Variants in POLR1G observed in about 807,000 individuals in gnomAD.
POLR1G encodes the protein RNA polymerase I subunit G, also known as DNA-directed RNA polymerase I subunit RPA34.
Under a neutral mutation model 6.3 loss-of-function variants are expected in POLR1G, and 9 were observed. The observed-to-expected ratio is 1.44, with a 90% CI of 0.87 to 2.51. The LOEUF is 2.51. Ranked by LOEUF, POLR1G falls within the 30% of genes most tolerant of loss-of-function variation. POLR1G has a pLI of 0.00. For synonymous variants in POLR1G, 248 were observed against 256.5 expected, an observed-to-expected ratio of 0.97 and a Z score of 0.32; for missense variants, 617 against 632.5, an observed-to-expected ratio of 0.98 and a Z score of 0.26.
In POLR1G at chr19:45,406,783, G is replaced by C; in HGVS notation, c.22+65G>C. ...TGGAAGGAGAAAGGGGCGTCCGAGAGGGTTCGGGCGGAAAAGGAGGCGTAC... is the reference window on the plus strand; with the variant it reads ...TGGAAGGAGAAAGGGGCGTCCGAGACGGTTCGGGCGGAAAAGGAGGCGTAC... On this transcript the variant is annotated intron_variant, in intron 1 of 2. Coordinates refer to ENST00000309424, the MANE Select transcript of POLR1G (RefSeq NM_012099.3). This position sits in a 1 kb window ranked among gnomAD's most constrained non-coding sequence, Gnocchi z 4.2. 2.1e-6 allele frequency: 3 copies of C among 1,433,124 alleles called. No homozygotes were observed. The highest frequency in any genetic ancestry group is 2.8e-6 in the Non-Finnish European group (3 of 1,077,496). 88.8% of individuals were successfully genotyped at this position (1,433,124 alleles called of 1,614,324 possible). A position where few individuals can be genotyped will look rare whatever the true frequency, so the allele number is the denominator to read the frequency against.
At position 45,408,656 on chromosome 19, in the gene POLR1G, G is replaced by C. The variant is rs1476002109; in HGVS notation, c.688G>C (p.Val230Leu). The C allele has an allele frequency of 1.2e-6, 2 of 1,613,936 alleles. No individual in the cohort carries two copies. Among genetic ancestry groups the C allele is most frequent in the Admixed American group, 1.7e-5 (1 of 60,016 alleles). The change falls in exon 3 of 3, where the codon GTG becomes CTG. Residue 230 changes from valine (V) to leucine (L), a missense_variant. Physicochemically the swap from Val to Leu is conservative, Grantham distance 32. Coordinates refer to ENST00000309424, the MANE Select transcript of POLR1G (RefSeq NM_012099.3). Reference sequence around the variant, plus strand: ...GAAAGAACCAGAGGCAGCAGGGCCTGTGGGGACAGAGCCCACAGTGGAGAC... The same window carrying C: ...GAAAGAACCAGAGGCAGCAGGGCCTCTGGGGACAGAGCCCACAGTGGAGAC... ...QLKEPEAAGP[V>L]GTEPTVETLE...
In POLR1G at chr19:45,406,793, G is replaced by T; in HGVS notation, c.22+75G>T. On this transcript the variant is annotated intron_variant, in intron 1 of 2. Coordinates refer to ENST00000309424, the MANE Select transcript of POLR1G (RefSeq NM_012099.3). This position sits in a 1 kb window ranked among gnomAD's most constrained non-coding sequence, Gnocchi z 4.2. ...AAGGGGCGTCCGAGAGGGTTCGGGC[G>T]GAAAAGGAGGCGTACCTGCAAGCAG... 7.3e-7 allele frequency: 1 copy of T among 1,361,350 alleles called. No homozygotes were observed. The highest frequency in any genetic ancestry group is 9.8e-7 in the Non-Finnish European group (1 of 1,016,916). 84.3% of individuals were successfully genotyped at this position (1,361,350 alleles called of 1,614,324 possible). A position where few individuals can be genotyped will look rare whatever the true frequency, so the allele number is the denominator to read the frequency against.
In POLR1G at chr19:45,408,220, C is replaced by T. The variant is rs889796834; in HGVS notation, c.252C>T (p.Ser84=). 3.1e-6 allele frequency: 5 copies of T among 1,614,026 alleles called. No homozygotes were observed. In the East Asian group the frequency reaches 6.7e-5, roughly 22 times the overall value. ...AGKRHRYRVL[S]SCPQAGEATL... ...AGCGGCACCGCTATCGAGTCCTCAG[C>T]AGCTGTCCCCAAGCTGGAGAAGCGA... is the stretch of plus-strand genomic sequence containing the variant. Residue 84 remains serine (S), a synonymous_variant, in exon 3 of 3, where the codon AGC becomes AGT. Coordinates refer to ENST00000309424, the MANE Select transcript of POLR1G (RefSeq NM_012099.3).
Position 45,409,387 on chromosome 19 carries a change from A to C in POLR1G, c.1419A>C (p.Pro473=). The change falls in exon 3 of 3, where the codon CCA becomes CCC. Residue 473 remains proline (P), a synonymous_variant. Transcript: ENST00000309424. ...RKKQSQESRM[P]ETVPQEEMPG... is the part of the protein sequence containing the mutation. ...AGCAGAGTCAGGAAAGCCGGATGCC[A>C]GAGACAGTGCCCCAAGAGGAGATGC... is the stretch of plus-strand genomic sequence containing the variant. 1 of 1,614,078 alleles carries C rather than the reference A, an allele frequency of 6.2e-7. No homozygotes were observed. Among genetic ancestry groups the C allele is most frequent in the East Asian group, 2.2e-5 (1 of 44,876 alleles).
rs57573120 is a variant in POLR1G at position 45,409,895 on chromosome 19, A to ATTTT, written c.*405_*408dup. The stretch of plus-strand genomic sequence containing the variant: ...TTTTTAAGTTATTATTATTATTATT[A>ATTTT]TTTTTTTTTTTTTTGAGATGGAGTC... On this transcript the variant is annotated 3_prime_UTR_variant, in exon 3 of 3. Coordinates refer to ENST00000309424, the MANE Select transcript of POLR1G (RefSeq NM_012099.3). 2,715 of 171,510 alleles carry ATTTT rather than the reference A, an allele frequency of 0.016. 58 individuals carry two copies. The highest frequency in any genetic ancestry group is 0.077 in the South Asian group (351 of 4,558). 10.6% of individuals were successfully genotyped at this position (171,510 alleles called of 1,614,324 possible). A position where few individuals can be genotyped will look rare whatever the true frequency, so the allele number is the denominator to read the frequency against.
In POLR1G at chr19:45,409,013, C is replaced by A; in HGVS notation, c.1045C>A (p.Pro349Thr). 6.2e-7 allele frequency: 1 copy of A among 1,614,056 alleles called. No individual in the cohort carries two copies. The highest frequency in any genetic ancestry group is 8.5e-7 in the Non-Finnish European group (1 of 1,180,014). ...MMEPGTEAME[P>T]VEPEMKPLES... ...GGAGCCAGGGACGGAGGCGATGGAG[C>A]CAGTGGAGCCGGAGATGAAGCCTCT... The change falls in exon 3 of 3, where the codon CCA becomes ACA. Residue 349 changes from proline to threonine, a missense_variant. By Grantham distance (38) the Pro-to-Thr change is conservative (BLOSUM62 -1). Transcript: ENST00000309424.
rs1029847463 is a variant in POLR1G, at chr19:45,409,431, C to A, written c.1463C>A (p.Ser488Ter). 25 of 1,613,558 alleles carry A rather than the reference C, an allele frequency of 1.5e-5. No individual in the cohort carries two copies. The highest frequency in any genetic ancestry group is 2.0e-5 in the Non-Finnish European group (24 of 1,180,014). The change falls in exon 3 of 3, where the codon TCA (serine) becomes TAA (stop). Residue 488 changes from serine (S) to a stop codon, truncating the protein, a stop_gained. Coordinates refer to ENST00000309424, the MANE Select transcript of POLR1G (RefSeq NM_012099.3). LOFTEE classifies it low-confidence loss of function (END_TRUNC). ...QEEMPGPPLNSESGEEAPTGR... is the reference protein window; with the variant it reads ...QEEMPGPPLN ...GAGATGCCAGGGCCGCCACTGAATT[C>A]AGAGTCTGGGGAGGAGGCTCCCACA...
At position 45,410,148 on chromosome 19, in the gene POLR1G, G is replaced by C. The variant is rs1026468176; in HGVS notation, c.*647G>C. ...CTGATGCGCCTGCCTCAGCCTCCCAGTGCTGGGATTATAGGTGTGAGCCAC... is the reference window on the plus strand; with the variant it reads ...CTGATGCGCCTGCCTCAGCCTCCCACTGCTGGGATTATAGGTGTGAGCCAC... On this transcript the variant is annotated 3_prime_UTR_variant, in exon 3 of 3. Coordinates refer to ENST00000309424, the MANE Select transcript of POLR1G (RefSeq NM_012099.3). The C allele has an allele frequency of 6.5e-6, 1 of 154,662 alleles. No homozygotes were observed. The highest frequency in any genetic ancestry group is 2.4e-5 in the African/African-American group (1 of 41,096). 9.6% of individuals were successfully genotyped at this position (154,662 alleles called of 1,614,324 possible). A position where few individuals can be genotyped will look rare whatever the true frequency, so the allele number is the denominator to read the frequency against.
At chr19:45,407,480 G>C (rs929019825) in intron 2 of POLR1G, 3 of 478,040 alleles carry the variant, frequency 6.3e-6, no homozygotes, top group Non-Finnish European at 1.1e-5. Context: ...GGAGTGTGCA[G>C]ATAAGCTCAC....
In POLR1G at chr19:45,409,892, A is replaced by ATTTT. The variant is rs200386912; in HGVS notation, c.*393_*394insTTTT. ...ATCTTTTTAAGTTATTATTATTATT[A>ATTTT]TTATTTTTTTTTTTTTTGAGATGGA... On this transcript the variant is annotated 3_prime_UTR_variant, in exon 3 of 3. Transcript: ENST00000309424. 6.7e-4 allele frequency: 138 copies of ATTTT among 206,422 alleles called. 1 individual carries two copies. Among genetic ancestry groups the ATTTT allele is most frequent in the African/African-American group, 2.9e-3 (70 of 23,974 alleles). The allele number at this position is 206,422 out of a possible 1,614,324, so 12.8% of individuals were successfully genotyped here.
rs1488010595 is a variant in POLR1G at position 45,410,641 on chromosome 19, C to G, written c.*1140C>G. ...CATCTCCCTGCCAGCCCCTAACTAC[C>G]CTCCCCAGCCTCCAGGAACTATCCA... On this transcript the variant is annotated 3_prime_UTR_variant, in exon 3 of 3. Coordinates refer to ENST00000309424, the MANE Select transcript of POLR1G (RefSeq NM_012099.3). 6.7e-6 allele frequency: 1 copy of G among 149,928 alleles called. No individual in the cohort carries two copies. The highest frequency in any genetic ancestry group is 1.5e-5 in the Non-Finnish European group (1 of 67,910). 9.3% of individuals were successfully genotyped at this position (149,928 alleles called of 1,614,324 possible).
In POLR1G at chr19:45,408,486, GGAA is replaced by G; in HGVS notation, c.525_527del (p.Lys177del). Reference sequence around the variant, plus strand: ...TTGGCCCCCAACCTGCTCACCTCAGGGAAGAAGAAAAAGGAGATGCAGGTGACA... The same window carrying G: ...TTGGCCCCCAACCTGCTCACCTCAGGGAAGAAAAAGGAGATGCAGGTGACA... On this transcript the variant is annotated inframe_deletion, in exon 3 of 3. Coordinates refer to ENST00000309424, the MANE Select transcript of POLR1G (RefSeq NM_012099.3). The G allele has an allele frequency of 6.2e-7, 1 of 1,613,966 alleles. No individual in the cohort carries two copies.
Position 45,408,276 on chromosome 19 carries a change from G to A in POLR1G, c.308G>A (p.Gly103Asp), listed in dbSNP as rs1345788884. Reference protein sequence around the residue: ...TLLAPSTEAGGGLTCASAPQG... With the variant: ...TLLAPSTEAGDGLTCASAPQG... The stretch of plus-strand genomic sequence containing the variant: ...CTGGCCCCCTCAACGGAGGCAGGAG[G>A]TGGACTCACCTGTGCCTCAGCCCCC... Residue 103 changes from glycine (G) to aspartate (D), a missense_variant, in exon 3 of 3, where the codon GGT (glycine) becomes GAT (aspartate). Transcript: ENST00000309424. 1 of 1,613,968 alleles carries A rather than the reference G, an allele frequency of 6.2e-7. No individual in the cohort carries two copies. The highest frequency in any genetic ancestry group is 1.3e-5 in the African/African-American group (1 of 74,942).
Position 45,409,001 on chromosome 19 carries a change from G to C in POLR1G, c.1033G>C (p.Glu345Gln), listed in dbSNP as rs781466069. ...GATGGCAATGATGGAGCCAGGGACG[G>C]AGGCGATGGAGCCAGTGGAGCCGGA... ...GQMAMMEPGTEAMEPVEPEMK... is the reference protein window; with the variant it reads ...GQMAMMEPGTQAMEPVEPEMK... Residue 345 changes from glutamate to glutamine, a missense_variant, in exon 3 of 3, where the codon GAG becomes CAG. Transcript: ENST00000309424. The C allele has an allele frequency of 5.0e-6, 8 of 1,614,078 alleles. No homozygotes were observed. Among genetic ancestry groups the C allele is most frequent in the Non-Finnish European group, 5.9e-6 (7 of 1,180,010 alleles).
At position 45,406,676 on chromosome 19, in the gene POLR1G, G is replaced by A. The variant is rs967591; in HGVS notation, c.-21G>A. ...TGCGAGCAGCCCGGGCTACAGGGTT[G>A]CCTGAGGTGTGGGTCCCAGGATGGA... On this transcript the variant is annotated 5_prime_UTR_variant, in exon 1 of 3. Coordinates refer to ENST00000309424, the MANE Select transcript of POLR1G (RefSeq NM_012099.3). The surrounding 1 kb of genome is among the most constrained non-coding windows in gnomAD (Gnocchi z 4.2). 0.18 allele frequency: 283,521 copies of A among 1,543,840 alleles called. 28,516 individuals are homozygous for A. The highest frequency in any genetic ancestry group is 0.46 in the East Asian group (18,030 of 39,576).
At chr19:45,407,908 G>A in intron 2 of POLR1G, 1 of 446,660 alleles carries the variant, frequency 2.2e-6, no homozygotes, top group South Asian at 5.6e-5. Flanking sequence ...ACAAAAATTG[G>A]CTGGGCGTGG....
Position 45,408,944 on chromosome 19 carries a change from C to A in POLR1G, c.976C>A (p.Pro326Thr). Residue 326 changes from proline to threonine, a missense_variant, in exon 3 of 3, where the codon CCT becomes ACT. Coordinates refer to ENST00000309424, the MANE Select transcript of POLR1G (RefSeq NM_012099.3). ...EPLEEAIPLP[P>T]TKKRKKEKGQ... Reference sequence around the variant, plus strand: ...ACTGGAGGAAGCCATCCCTCTGCCCCCTACGAAGAAGAGGAAAAAAGAAAA... The same window carrying A: ...ACTGGAGGAAGCCATCCCTCTGCCCACTACGAAGAAGAGGAAAAAAGAAAA... 1 of 1,614,004 alleles carries A rather than the reference C, an allele frequency of 6.2e-7. No individual in the cohort carries two copies. Among genetic ancestry groups the A allele is most frequent in the Non-Finnish European group, 8.5e-7 (1 of 1,179,988 alleles).
In POLR1G at chr19:45,410,565, T is replaced by TTGTGTGTGTA; in HGVS notation, c.*1073_*1074insATGTGTGTGT. On this transcript the variant is annotated 3_prime_UTR_variant, in exon 3 of 3. Coordinates refer to ENST00000309424, the MANE Select transcript of POLR1G (RefSeq NM_012099.3). ...ATAGTATGTCTTATTCATTCTTTCT[T>TTGTGTGTGTA]TGTGTGTGTGTGTGTGTGTGTGTGT... is the stretch of plus-strand genomic sequence containing the variant. 1 of 140,722 alleles carries TTGTGTGTGTA rather than the reference T, an allele frequency of 7.1e-6. No homozygotes were observed. Among genetic ancestry groups the TTGTGTGTGTA allele is most frequent in the African/African-American group, 2.7e-5 (1 of 36,578 alleles). The allele number at this position is 140,722 out of a possible 1,614,324, so 8.7% of individuals were successfully genotyped here. A position where few individuals can be genotyped will look rare whatever the true frequency, so the allele number is the denominator to read the frequency against.
rs774042056 is a variant in POLR1G at position 45,408,225 on chromosome 19, G to GT, written c.258dup (p.Pro87SerfsTer33). ...CACCGCTATCGAGTCCTCAGCAGCT[G>GT]TCCCCAAGCTGGAGAAGCGACCCTG... On this transcript the variant is annotated frameshift_variant, in exon 3 of 3. Coordinates refer to ENST00000309424, the MANE Select transcript of POLR1G (RefSeq NM_012099.3). LOFTEE classifies it low-confidence loss of function (END_TRUNC). The GT allele has an allele frequency of 6.2e-7, 1 of 1,614,148 alleles. No individual in the cohort carries two copies. The highest frequency in any genetic ancestry group is 8.5e-7 in the Non-Finnish European group (1 of 1,180,010).
Sources: gnomAD v4.1 joint callset for allele counts on GRCh38, gnomAD v4.1.1 for gene constraint, Gnocchi (gnomAD v3.1) non-coding constraint, MANE v1.5 for transcripts, NCBI Gene and HGNC (gene_info 2026-07-23, HGNC 2026-07-21) for gene names.